Variants in PRKCQ observed in about 807,000 individuals in gnomAD.
PRKCQ encodes protein kinase C theta, also known as protein kinase C theta type.
PRKCQ carries 41 observed loss-of-function variants against 91.2 expected under a neutral mutation model. The ratio of observed to expected loss-of-function variants is 0.45; its 90% confidence interval spans 0.35 to 0.58. The LOEUF (loss-of-function observed/expected upper bound fraction) is 0.58, where lower values mean the gene tolerates loss of function less well. Among genes scored for constraint, PRKCQ ranks in the 20% least tolerant of loss-of-function variants. The pLI is 0.00. For missense variants in PRKCQ, 673 were observed against 896.5 expected (o/e 0.75, Z 3.18); for synonymous variants, 307 against 316.9 (o/e 0.97, Z 0.33).
the PRKCQ span, among the ~76,000 whole-genome samples, chr10:6,407,334 C>T: frequency 1.3e-5 from 2 of 151,770 alleles, no homozygotes; most frequent in African/African-American, 4.8e-5. The surrounding 1 kb of genome is among the most constrained non-coding windows in gnomAD (Gnocchi z 4.0). Flanking sequence ...AATATTGGAG[C>T]AGAAATCAGG....
chr10:6,517,713 G>A (rs1838830448), intron 1 of PRKCQ, among the ~76,000 whole-genome samples: 1 of 144,386 alleles, frequency 6.9e-6, no homozygotes, highest in African/African-American at 2.5e-5. Context: ...TATTGGTAAG[G>A]TCTTATACAT....
At chr10:6,533,234 G>C (rs1208648705) in intron 1 of PRKCQ, among the ~76,000 whole-genome samples, 2 of 152,130 alleles carry the variant, frequency 1.3e-5, no homozygotes, top group African/African-American at 4.8e-5. Context: ...GTCTTGCTCA[G>C]CTGCCCAGGC....
chr10:6,439,692 T>G (rs1162818013), intron 16 of PRKCQ, among the ~76,000 whole-genome samples: 1 of 101,730 alleles, frequency 9.8e-6, no homozygotes, highest in Non-Finnish European at 2.4e-5. Context: ...TAATAGAATT[T>G]TCTTCTGTAG....
At chr10:6,415,947 A>G in the PRKCQ span, among the ~76,000 whole-genome samples, 1 of 151,874 alleles carries the variant, frequency 6.6e-6, no homozygotes, top group East Asian at 1.9e-4. Flanking sequence ...GGGTTTCACT[A>G]TATTGGCCAG....
At chr10:6,530,970 T>G (rs1463099820) in intron 1 of PRKCQ, among the ~76,000 whole-genome samples, 6 of 152,214 alleles carry the variant, frequency 3.9e-5, no homozygotes, top group Non-Finnish European at 5.9e-5. Context: ...GGAGGCCTAA[T>G]TTCTGAATTC....
At chr10:6,508,767 A>G (rs1838323820) in intron 3 of PRKCQ, among the ~76,000 whole-genome samples, 1 of 152,232 alleles carries the variant, frequency 6.6e-6, no homozygotes, top group South Asian at 2.1e-4. Flanking sequence ...AGTATTCAGT[A>G]CTTAGTAGTG....
At chr10:6,566,731 G>C (rs1263054142) in intron 1 of PRKCQ, among the ~76,000 whole-genome samples, 2 of 152,050 alleles carry the variant, frequency 1.3e-5, no homozygotes, top group African/African-American at 4.8e-5. Flanking sequence ...AAGATGGAGA[G>C]AACTCAGGAG....
intron 12 of PRKCQ, among the ~76,000 whole-genome samples, chr10:6,472,595 T>C (rs1836046595): frequency 6.6e-6 from 1 of 152,250 alleles, no homozygotes; most frequent in Admixed American, 6.5e-5. Flanking sequence ...GAGTCACATA[T>C]GGTTACAACT....
At chr10:6,501,437 C>A (rs752107668) in intron 4 of PRKCQ, among the ~76,000 whole-genome samples, 2 of 151,764 alleles carry the variant, frequency 1.3e-5, no homozygotes, top group Non-Finnish European at 2.9e-5. Flanking sequence ...AGGTGTGCAA[C>A]CAAGAAAGGG....
chr10:6,575,390 C>G lies in PRKCQ; in HGVS notation c.-10+4821G>C, dbSNP rs563953478. Among the ~76,000 whole-genome samples, 7 of 152,344 alleles carry G rather than the reference C, an allele frequency of 4.6e-5. 1 individual carries two copies. The South Asian group carries it at 1.4e-3, about 32-fold the overall frequency. On this transcript the variant is annotated intron_variant, in intron 1 of 17. Transcript: ENST00000263125. Reference sequence around the variant, plus strand: ...AATCTTCTAAAAAGCATCTGTCCCACACATTCAGGGTTATTAACACTGATG... The same window carrying G: ...AATCTTCTAAAAAGCATCTGTCCCAGACATTCAGGGTTATTAACACTGATG...
In PRKCQ at chr10:6,576,575, G is replaced by A. The variant is rs1305268357; in HGVS notation, c.-10+3636C>T. On this transcript the variant is annotated intron_variant, in intron 1 of 17. Coordinates refer to ENST00000263125, the MANE Select transcript of PRKCQ (RefSeq NM_006257.5). The surrounding 1 kb of genome is among the most constrained non-coding windows in gnomAD (Gnocchi z 4.2). ...CGGATGAGGAACGAATGTTCCACGA[G>A]GACAGAGTTTCAGTTTTAGGAGATG... 6.6e-6 allele frequency among the ~76,000 whole-genome samples: 1 copy of A among 152,214 alleles called. No individual in the cohort carries two copies. Among genetic ancestry groups the A allele is most frequent in the African/African-American group, 2.4e-5 (1 of 41,464 alleles).
intron 14 of PRKCQ, among the ~76,000 whole-genome samples, chr10:6,458,907 G>A (rs1432397584): frequency 6.6e-6 from 1 of 152,148 alleles, no homozygotes; most frequent in Non-Finnish European, 1.5e-5. Context: ...CCGGCTCTGT[G>A]GTTTTACATT....
At chr10:6,449,611 G>A (rs11258892) in intron 15 of PRKCQ, among the ~76,000 whole-genome samples, 10,500 of 151,414 alleles carry the variant, frequency 0.069, 670 homozygotes, top group East Asian at 0.36. Flanking sequence ...CGAGAAGAGC[G>A]ACTCCAAGAC....
chr10:6,438,726 G>A (rs889411303), intron 16 of PRKCQ, among the ~76,000 whole-genome samples: 1 of 152,140 alleles, frequency 6.6e-6, no homozygotes, highest in East Asian at 1.9e-4. Context: ...CTCCTGAGTA[G>A]CTGAGACCAT....
At chr10:6,519,969 T>C (rs1838935201) in intron 1 of PRKCQ, among the ~76,000 whole-genome samples, 1 of 152,210 alleles carries the variant, frequency 6.6e-6, no homozygotes. Flanking sequence ...CAAACTGATA[T>C]TGCCAATAAA....
the PRKCQ span, among the ~76,000 whole-genome samples, chr10:6,404,925 C>CTCCCT: frequency 3.1e-3 from 404 of 131,582 alleles, 5 homozygotes; most frequent in African/African-American, 0.01. Flanking sequence ...TCCTTCCTTC[C>CTCCCT]TCCCTTCCCT....
chr10:6,411,924 C>T, the PRKCQ span, among the ~76,000 whole-genome samples: 1 of 152,220 alleles, frequency 6.6e-6, no homozygotes, highest in Non-Finnish European at 1.5e-5. Context: ...TGGTCACACA[C>T]ACTTCTAAGT....
chr10:6,519,169 T>C (rs939361405), intron 1 of PRKCQ, among the ~76,000 whole-genome samples: 64 of 152,150 alleles, frequency 4.2e-4, no homozygotes, highest in Admixed American at 3.4e-3. Context: ...TCGGAGCAGA[T>C]AGTAGGGGGA....
chr10:6,576,344 A>G lies in PRKCQ; in HGVS notation c.-10+3867T>C, dbSNP rs1841236973. 6.6e-6 allele frequency among the ~76,000 whole-genome samples: 1 copy of G among 152,260 alleles called. No individual in the cohort carries two copies. The highest frequency in any genetic ancestry group is 2.4e-5 in the African/African-American group (1 of 41,470). On this transcript the variant is annotated intron_variant, in intron 1 of 17. Transcript: ENST00000263125. This position sits in a 1 kb window ranked among gnomAD's most constrained non-coding sequence, Gnocchi z 4.2. ...AGGATAAGCAAAATGTGGTATATCC[A>G]TAAATGGAATAGTATTCAGACTTAA...
Sources: gnomAD v4.1 joint callset for allele counts (sites outside exome capture counted in the v4.1 genomes callset) on GRCh38, gnomAD v4.1.1 for gene constraint, Gnocchi (gnomAD v3.1) non-coding constraint, MANE v1.5 for transcripts, NCBI Gene and HGNC (gene_info 2026-07-23, HGNC 2026-07-21) for gene names.